LRP6: variants seen among roughly 807,000 people sequenced by gnomAD.
The protein encoded by LRP6 is low-density lipoprotein receptor-related protein 6.
A neutral mutation model predicts 184.1 loss-of-function variants in LRP6; 43 were observed. The observed-to-expected ratio is 0.23, with a 90% CI of 0.18 to 0.30. The LOEUF is 0.30. LRP6 is among the 10% of genes least tolerant of loss of function. LRP6 has a pLI of 1.00. For missense variants in LRP6, 1,571 were observed against 2,005.3 expected, an observed-to-expected ratio of 0.78 and a Z score of 4.14; for synonymous variants, 719 against 684.9, an observed-to-expected ratio of 1.05 and a Z score of -0.78.
rs141966855 is a variant in LRP6 at position 12,183,408 on chromosome 12, C to T, written c.976+572G>A. On this transcript the variant is annotated intron_variant, in intron 5 of 22. Coordinates refer to ENST00000261349, the MANE Select transcript of LRP6 (RefSeq NM_002336.3). ...TCCTAAATCAGTATACTTTCTCCAA[C>T]GTGCCCTCTCTCTATAGGGAATTAA... Among the ~76,000 whole-genome samples, 534 of 152,288 alleles carry T rather than the reference C, an allele frequency of 3.5e-3. 3 individuals are homozygous for T. Among genetic ancestry groups the T allele is most frequent in the African/African-American group, 0.012 (501 of 41,564 alleles).
chr12:12,213,356 A>C (rs1184419581), intron 2 of LRP6, among the ~76,000 whole-genome samples: 1 of 152,112 alleles, frequency 6.6e-6, no homozygotes, highest in Non-Finnish European at 1.5e-5. Context: ...TTTTAGAGAC[A>C]AAGTAGGAAA....
chr12:12,135,100 G>C (rs1949814675), intron 17 of LRP6, 75 bp downstream of exon 17: 4 of 1,606,992 alleles, frequency 2.5e-6, no homozygotes, highest in Admixed American at 3.3e-5. Context: ...TCAATGCCTA[G>C]TCATAGAAGT....
intron 7 of LRP6, among the ~76,000 whole-genome samples, chr12:12,169,102 G>A (rs1260080509): frequency 6.6e-6 from 1 of 151,918 alleles, no homozygotes; most frequent in African/African-American, 2.4e-5. Flanking sequence ...GGTGGCTAAC[G>A]CCTGTAATCC....
intron 8 of LRP6, 124 bp downstream of exon 8, chr12:12,164,955 A>AAAAAAAAAAAAAAAAAAAAAG: frequency 7.6e-6 from 4 of 528,566 alleles, no homozygotes; most frequent in South Asian, 2.3e-5. Context: ...AAAAAAAAAA[A>AAAAAAAAAAAAAAAAAAAAAG]GGCGGGGGGG....
chr12:12,251,570 A>G (rs1301618916), intron 1 of LRP6, among the ~76,000 whole-genome samples: 2 of 151,792 alleles, frequency 1.3e-5, no homozygotes, highest in Admixed American at 1.3e-4. Flanking sequence ...GGGTTTCACC[A>G]TGTTAGCCAG....
rs763102419 is a variant in LRP6, at chr12:12,149,125, G to A, written c.3023C>T (p.Pro1008Leu). 50 of 1,613,714 alleles carry A rather than the reference G, an allele frequency of 3.1e-5. No individual in the cohort carries two copies. Among genetic ancestry groups the A allele is most frequent in the African/African-American group, 4.0e-5 (3 of 74,828 alleles). The change falls in exon 14 of 23, where the codon CCG (proline) becomes CTG (leucine). Residue 1008 changes from proline to leucine, a missense_variant. Pro to Leu is a moderately conservative substitution (Grantham distance 98). Coordinates refer to ENST00000261349, the MANE Select transcript of LRP6 (RefSeq NM_002336.3). ...QGFTVVVSSV[P>L]SQNLEIQPYD... is the part of the protein sequence containing the mutation. ...GGGTTGTATTTCCAGGTTCTGACTC[G>A]GAACTGAGCTCACAACCACAGTAAA...
chr12:12,237,421 AAC>A (rs1329652499), intron 2 of LRP6, among the ~76,000 whole-genome samples: 1 of 152,252 alleles, frequency 6.6e-6, no homozygotes, highest in East Asian at 1.9e-4. Flanking sequence ...AGTAATAATT[AAC>A]ACAGGCAAAA....
intron 7 of LRP6, among the ~76,000 whole-genome samples, chr12:12,175,777 A>G (rs1358048535): frequency 6.6e-6 from 1 of 151,192 alleles, no homozygotes; most frequent in African/African-American, 2.4e-5. Flanking sequence ...AGAGAAATTT[A>G]GCATTGACAA....
At chr12:12,125,947 A>C (rs1435469952) in intron 20 of LRP6, among the ~76,000 whole-genome samples, 1 of 152,216 alleles carries the variant, frequency 6.6e-6, no homozygotes, top group Non-Finnish European at 1.5e-5. Context: ...CCACTAACTG[A>C]AAATAGGTAT....
chr12:12,160,022 GTCATAT>G, intron 10 of LRP6, 58 bp from the exon 11 acceptor site: 1 of 1,262,200 alleles, frequency 7.9e-7, no homozygotes, highest in Non-Finnish European at 1.1e-6. Context: ...GGGGGAAAGA[GTCATAT>G]TCATGCAAAG....
chr12:12,198,931 T>C (rs1239885344), intron 3 of LRP6, among the ~76,000 whole-genome samples: 2 of 152,204 alleles, frequency 1.3e-5, no homozygotes, highest in South Asian at 2.1e-4. Flanking sequence ...TTATTGAAGA[T>C]TTGAAAAATA....
intron 3 of LRP6, among the ~76,000 whole-genome samples, chr12:12,197,964 G>C (rs1450823286): frequency 2.6e-5 from 4 of 152,206 alleles, no homozygotes; most frequent in African/African-American, 9.6e-5. Context: ...AGGATAGCTT[G>C]TGCCCAAGAG....
At chr12:12,167,525 C>T (rs955311505) in intron 7 of LRP6, among the ~76,000 whole-genome samples, 5 of 152,008 alleles carry the variant, frequency 3.3e-5, no homozygotes, top group Admixed American at 3.3e-4. Context: ...CACCTGTAGT[C>T]CCAGCTACTC....
At chr12:12,176,008 A>G (rs1863173065) in intron 7 of LRP6, among the ~76,000 whole-genome samples, 1 of 135,616 alleles carries the variant, frequency 7.4e-6, no homozygotes, top group South Asian at 2.6e-4. Context: ...AAACGTTTTC[A>G]GCAGTAAAAC....
At chr12:12,138,150 GAC>G (rs1237893117) in intron 16 of LRP6, among the ~76,000 whole-genome samples, 173 bp downstream of exon 16, 3 of 150,846 alleles carry the variant, frequency 2.0e-5, no homozygotes, top group African/African-American at 7.3e-5. Context: ...CAGCCTGGGC[GAC>G]AGAGTGAGAC....
Position 12,121,280 on chromosome 12 carries a change from T to C in LRP6, c.4688A>G (p.Asp1563Gly). The change falls in exon 23 of 23, where the codon GAT (aspartate) becomes GGT (glycine). Residue 1563 changes from aspartate to glycine, a missense_variant. Coordinates refer to ENST00000261349, the MANE Select transcript of LRP6 (RefSeq NM_002336.3). The stretch of plus-strand genomic sequence containing the variant: ...GGGAGGTGGGGGCACAGGTTCTGAA[T>C]CATAGTTCAAGTCACTGGTATAGCC... ...AKGYTSDLNY[D>G]SEPVPPPPTP... The C allele has an allele frequency of 6.2e-7, 1 of 1,614,106 alleles. No homozygotes were observed. Among genetic ancestry groups the C allele is most frequent in the Non-Finnish European group, 8.5e-7 (1 of 1,180,032 alleles).
intron 1 of LRP6, among the ~76,000 whole-genome samples, chr12:12,246,347 C>A (rs1056590044): frequency 1.3e-5 from 2 of 151,770 alleles, no homozygotes; most frequent in Non-Finnish European, 2.9e-5. Context: ...TTTATATAGA[C>A]AAGTGTGGCT....
chr12:12,189,654 A>C (rs1253490836), intron 3 of LRP6, among the ~76,000 whole-genome samples: 5 of 151,996 alleles, frequency 3.3e-5, no homozygotes, highest in African/African-American at 1.2e-4. Flanking sequence ...GGCATGCACC[A>C]CCATGCCTGG....
chr12:12,129,786 G>A (rs954575270), intron 19 of LRP6, among the ~76,000 whole-genome samples: 8 of 151,902 alleles, frequency 5.3e-5, no homozygotes, highest in African/African-American at 1.9e-4. Context: ...TCCTGACCTC[G>A]TGATCTGCCC....
Sources: gnomAD v4.1 joint callset for allele counts (sites outside exome capture counted in the v4.1 genomes callset) on GRCh38, gnomAD v4.1.1 for gene constraint, MANE v1.5 for transcripts, NCBI Gene and HGNC (gene_info 2026-07-23, HGNC 2026-07-21) for gene names.